Variants in ATXN10 observed in about 807,000 individuals in gnomAD.
ATXN10 encodes the protein ataxin-10.
In ATXN10, 28 loss-of-function variants were observed where a neutral mutation model predicts 52.9. The observed-to-expected ratio is 0.53, with a 90% CI of 0.39 to 0.73. The LOEUF (loss-of-function observed/expected upper bound fraction) is 0.73. Ranked by LOEUF, ATXN10 falls within the 30% of genes least tolerant of loss-of-function variation. The pLI, the probability that ATXN10 is intolerant of heterozygous loss-of-function variation, is 0.00. For missense variants in ATXN10, 565 were observed against 577.0 expected, an observed-to-expected ratio of 0.98 and a Z score of 0.21; for synonymous variants, 226 against 221.5, an observed-to-expected ratio of 1.02 and a Z score of -0.18.
At chr22:45,692,738 A>G (rs1277504882) in intron 2 of ATXN10, among the ~76,000 whole-genome samples, 6 of 152,232 alleles carry the variant, frequency 3.9e-5, no homozygotes, top group Admixed American at 6.5e-5. Context: ...GTAAAATACA[A>G]TAAAGCAAAG....
At chr22:45,692,823 A>C (rs1923436888) in intron 2 of ATXN10, among the ~76,000 whole-genome samples, 173 bp from the exon 3 acceptor site, 1 of 152,222 alleles carries the variant, frequency 6.6e-6, no homozygotes, top group African/African-American at 2.4e-5. Flanking sequence ...ATGTAAATAT[A>C]ACCTCTACTG....
chr22:45,672,152 C>T lies in ATXN10; in HGVS notation c.89C>T (p.Thr30Met). The change falls in exon 1 of 12, where the codon ACG becomes ATG. Residue 30 changes from threonine (T) to methionine (M), a missense_variant. Transcript: ENST00000252934. ...GACCTGGAGGCCCTGCGCGCGCTCA[C>T]GGCGCTCTTCAAAGAGCAGCGGAAC... is the stretch of plus-strand genomic sequence containing the variant. ...IQDLEALRALTALFKEQRNRE... is the reference protein window; with the variant it reads ...IQDLEALRALMALFKEQRNRE... The T allele has an allele frequency of 1.3e-6, 2 of 1,539,238 alleles. No homozygotes were observed. The highest frequency in any genetic ancestry group is 1.2e-5 in the South Asian group (1 of 83,760).
Position 45,781,815 on chromosome 22 carries a change from C to T in ATXN10, c.1174-25144C>T, listed in dbSNP as rs999486687. Among the ~76,000 whole-genome samples the T allele has an allele frequency of 3.3e-5, 5 of 152,022 alleles. No individual in the cohort carries two copies. Among genetic ancestry groups the T allele is most frequent in the African/African-American group, 1.2e-4 (5 of 41,386 alleles). ...AATTTTAGGACTAAAAAAACAGCAA[C>T]CTGAAATAAAAAGCCAAAACTCAGT... On this transcript the variant is annotated intron_variant, in intron 9 of 11. Coordinates refer to ENST00000252934, the MANE Select transcript of ATXN10 (RefSeq NM_013236.4). This position sits in a 1 kb window ranked among gnomAD's most constrained non-coding sequence, Gnocchi z 4.2.
intron 9 of ATXN10, among the ~76,000 whole-genome samples, chr22:45,743,292 A>G (rs1313639875): frequency 6.6e-6 from 1 of 152,216 alleles, no homozygotes; most frequent in Non-Finnish European, 1.5e-5. Context: ...ACCTGAAAGC[A>G]TTACCTCTGG....
chr22:45,773,445 A>ATTATTTAT (rs111706438), intron 9 of ATXN10, among the ~76,000 whole-genome samples: 2,071 of 149,366 alleles, frequency 0.014, 20 homozygotes, highest in South Asian at 0.027. Flanking sequence ...TGAATGAAGA[A>ATTATTTAT]TTATTTATTT....
At chr22:45,806,180 T>C (rs1457035813) in intron 9 of ATXN10, among the ~76,000 whole-genome samples, 2 of 152,152 alleles carry the variant, frequency 1.3e-5, no homozygotes, top group African/African-American at 4.8e-5. Flanking sequence ...CCTCCAGCAG[T>C]GTATGAGAGT....
chr22:45,822,523 A>ATTTTTTT (rs763159693), intron 10 of ATXN10, among the ~76,000 whole-genome samples: 22 of 96,598 alleles, frequency 2.3e-4, no homozygotes, highest in African/African-American at 3.6e-4. Context: ...AATTTCTCCA[A>ATTTTTTT]TTTTTTTTTT....
At chr22:45,707,650 G>GATATAATATAATATA (rs551683185) in intron 5 of ATXN10, among the ~76,000 whole-genome samples, 8 of 148,654 alleles carry the variant, frequency 5.4e-5, no homozygotes, top group Non-Finnish European at 1.0e-4. Context: ...AATATAATAT[G>GATATAATATAATATA]ATATAATATA....
In ATXN10 at chr22:45,684,509, C is replaced by T. The variant is rs556945766; in HGVS notation, c.117-5203C>T. Among the ~76,000 whole-genome samples the T allele has an allele frequency of 6.6e-6, 1 of 152,220 alleles. No individual in the cohort carries two copies. The highest frequency in any genetic ancestry group is 2.1e-4 in the South Asian group (1 of 4,818). ...TTGGGGAGATGATAAAGTTTCATGA[C>T]ACATGAAAATTATATGAATTTAAAT... is the stretch of plus-strand genomic sequence containing the variant. On this transcript the variant is annotated intron_variant, in intron 1 of 11. Coordinates refer to ENST00000252934, the MANE Select transcript of ATXN10 (RefSeq NM_013236.4). This position sits in a 1 kb window ranked among gnomAD's most constrained non-coding sequence, Gnocchi z 4.1.
At position 45,784,238 on chromosome 22, in the gene ATXN10, C is replaced by A. The variant is rs527290963; in HGVS notation, c.1174-22721C>A. Among the ~76,000 whole-genome samples, 3 of 152,266 alleles carry A rather than the reference C, an allele frequency of 2.0e-5. No homozygotes were observed. In the South Asian group the frequency reaches 6.2e-4, roughly 32 times the overall value. ...TCTGGGCTTTGCCACTCATTAAGCT[C>A]CATGACTGTGAACAAATTAACCCTT... On this transcript the variant is annotated intron_variant, in intron 9 of 11. Coordinates refer to ENST00000252934, the MANE Select transcript of ATXN10 (RefSeq NM_013236.4). The surrounding 1 kb of genome is among the most constrained non-coding windows in gnomAD (Gnocchi z 4.2).
rs965001907 is a variant in ATXN10 at position 45,705,514 on chromosome 22, A to G, written c.647+2667A>G. Among the ~76,000 whole-genome samples the G allele has an allele frequency of 6.6e-6, 1 of 151,670 alleles. No individual in the cohort carries two copies. The highest frequency in any genetic ancestry group is 1.5e-5 in the Non-Finnish European group (1 of 67,934). On this transcript the variant is annotated intron_variant, in intron 5 of 11. Transcript: ENST00000252934. This position sits in a 1 kb window ranked among gnomAD's most constrained non-coding sequence, Gnocchi z 5.2. ...AGTGGTGCGATCTCGGCTCACTGCA[A>G]CCTCCGCCTCTTGGGTTCAAGCAAT...
rs1319812843 is a variant in ATXN10 at position 45,842,895 on chromosome 22, C to T, written c.1238-96C>T. On this transcript the variant is annotated intron_variant, in intron 10 of 11. Transcript: ENST00000252934. The surrounding 1 kb of genome is among the most constrained non-coding windows in gnomAD (Gnocchi z 4.8). Reference sequence around the variant, plus strand: ...ACTTGTGGATTGATACTGGATGTTCCGTGTTTCTGTGCTCCTCTACTCCTT... The same window carrying T: ...ACTTGTGGATTGATACTGGATGTTCTGTGTTTCTGTGCTCCTCTACTCCTT... 8 of 1,327,828 alleles carry T rather than the reference C, an allele frequency of 6.0e-6. No individual in the cohort carries two copies. The highest frequency in any genetic ancestry group is 1.7e-5 in the Admixed American group (1 of 57,772). The allele number at this position is 1,327,828 out of a possible 1,614,324, so 82.3% of individuals were successfully genotyped here.
In ATXN10 at chr22:45,792,805, G is replaced by A. The variant is rs370389341; in HGVS notation, c.1174-14154G>A. The A allele has an allele frequency of 1.0e-4, 54 of 528,606 alleles. No homozygotes were observed. The East Asian group carries it at 1.1e-3, about 11-fold the overall frequency. The allele number at this position is 528,606 out of a possible 1,614,324, so 32.7% of individuals were successfully genotyped here. A position where few individuals can be genotyped will look rare whatever the true frequency, so the allele number is the denominator to read the frequency against. ...CAATCCAATTTTGTGACATCATTCT[G>A]TACTTTGAATAATGAGGCCAAAAGA... is the stretch of plus-strand genomic sequence containing the variant. On this transcript the variant is annotated intron_variant, in intron 9 of 11. Transcript: ENST00000252934.
chr22:45,840,326 C>T lies in ATXN10; in HGVS notation c.1238-2665C>T, dbSNP rs1929304278. Among the ~76,000 whole-genome samples the T allele has an allele frequency of 6.7e-6, 1 of 148,974 alleles. No individual in the cohort carries two copies. On this transcript the variant is annotated intron_variant, in intron 10 of 11. Coordinates refer to ENST00000252934, the MANE Select transcript of ATXN10 (RefSeq NM_013236.4). The surrounding 1 kb of genome is among the most constrained non-coding windows in gnomAD (Gnocchi z 5.8). ...TGAGTACAATGCAGTGTGATGAGAA[C>T]TGTTAAAAAAGAGAGAGAGAATGCA...
At position 45,772,013 on chromosome 22, in the gene ATXN10, T is replaced by G. The variant is rs1926796654; in HGVS notation, c.1173+31475T>G. ...AGAGATGTGATCCACAGTATTTTCTTTAGTCAGTAGCCCACATTTTCATTC... is the reference window on the plus strand; with the variant it reads ...AGAGATGTGATCCACAGTATTTTCTGTAGTCAGTAGCCCACATTTTCATTC... On this transcript the variant is annotated intron_variant, in intron 9 of 11. Transcript: ENST00000252934. This position sits in a 1 kb window ranked among gnomAD's most constrained non-coding sequence, Gnocchi z 4.1. Among the ~76,000 whole-genome samples the G allele has an allele frequency of 1.3e-5, 2 of 152,226 alleles. No individual in the cohort carries two copies. The highest frequency in any genetic ancestry group is 4.1e-4 in the South Asian group (2 of 4,832).
In ATXN10 at chr22:45,689,923, G is replaced by C; in HGVS notation, c.308+20G>C. ...AATCAGGTAGTTACACACGTACCTT[G>C]GATTCTGTTTCTTTGTATATGTGCA... is the stretch of plus-strand genomic sequence containing the variant. On this transcript the variant is annotated intron_variant, in intron 2 of 11. Transcript: ENST00000252934. 1 of 1,611,864 alleles carries C rather than the reference G, an allele frequency of 6.2e-7. No homozygotes were observed. Among genetic ancestry groups the C allele is most frequent in the Non-Finnish European group, 8.5e-7 (1 of 1,178,750 alleles).
In ATXN10 at chr22:45,759,149, G is replaced by A. The variant is rs182795693; in HGVS notation, c.1173+18611G>A. 6.4e-3 allele frequency among the ~76,000 whole-genome samples: 971 copies of A among 152,278 alleles called. 7 individuals carry two copies. Among genetic ancestry groups the A allele is most frequent in the South Asian group, 0.015 (71 of 4,826 alleles). ...CAAGCATTATGCGAGGTGCTGGAGAGAAGGAAGGGGAAGAAAAGGTCCTCA... is the reference window on the plus strand; with the variant it reads ...CAAGCATTATGCGAGGTGCTGGAGAAAAGGAAGGGGAAGAAAAGGTCCTCA... On this transcript the variant is annotated intron_variant, in intron 9 of 11. Transcript: ENST00000252934. This position sits in a 1 kb window ranked among gnomAD's most constrained non-coding sequence, Gnocchi z 5.4.
At chr22:45,838,408 G>T (rs908996921) in intron 10 of ATXN10, among the ~76,000 whole-genome samples, 1 of 152,180 alleles carries the variant, frequency 6.6e-6, no homozygotes, top group Non-Finnish European at 1.5e-5. Flanking sequence ...ATCAAGTCCC[G>T]CTCTAGTGCT....
At chr22:45,746,687 C>T (rs901471848) in intron 9 of ATXN10, among the ~76,000 whole-genome samples, 3 of 152,128 alleles carry the variant, frequency 2.0e-5, no homozygotes, top group Admixed American at 2.0e-4. Flanking sequence ...CCTGAGTGAC[C>T]TTAACTTGGC....
Sources: allele counts gnomAD v4.1 joint callset (sites outside exome capture counted in the v4.1 genomes callset), GRCh38; gene constraint gnomAD v4.1.1; non-coding constraint Gnocchi (gnomAD v3.1); transcripts MANE v1.5; gene names NCBI Gene and HGNC (gene_info 2026-07-23, HGNC 2026-07-21).